SOX6: variants seen among roughly 807,000 people sequenced by gnomAD.
SOX6 encodes SRY-box transcription factor 6.
In SOX6, 11 loss-of-function variants were observed where a neutral mutation model predicts 97.8. That is an observed-to-expected ratio of 0.11 (90% CI 0.07 to 0.19). SOX6 has a LOEUF of 0.19. Among genes scored for constraint, SOX6 ranks in the 10% least tolerant of loss-of-function variants. The pLI, the probability that SOX6 is intolerant of heterozygous loss-of-function variation, is 1.00. For synonymous variants in SOX6, 360 were observed against 371.4 expected (o/e 0.97, Z 0.35); for missense variants, 810 against 1,039.5 (o/e 0.78, Z 3.04).
chr11:16,071,249 T>C (rs1397725521), intron 9 of SOX6, among the ~76,000 whole-genome samples: 1 of 151,976 alleles, frequency 6.6e-6, no homozygotes, highest in African/African-American at 2.4e-5. Context: ...TGTAACTTCC[T>C]CTTGTCCCAG....
At chr11:16,132,319 GAAGGAAGGAAGGAAAGAAA>G (rs1849776017) in intron 6 of SOX6, among the ~76,000 whole-genome samples, 1 of 92,796 alleles carries the variant, frequency 1.1e-5, no homozygotes, top group Non-Finnish European at 2.2e-5. Context: ...AGGAAGGAAG[GAAGGAAGGAAGGAAAGAAA>G]AAAGAAAGAA....
chr11:16,695,018 T>A (rs4757425), intron 3 of SOX6, among the ~76,000 whole-genome samples: 24,847 of 152,174 alleles, frequency 0.16, 2,683 homozygotes, highest in East Asian at 0.32. Flanking sequence ...TACTACACCA[T>A]TTTATAAAAG....
intron 10 of SOX6, among the ~76,000 whole-genome samples, chr11:16,051,338 G>A (rs1238516269): frequency 1.3e-5 from 2 of 152,044 alleles, no homozygotes; most frequent in Non-Finnish European, 2.9e-5. Flanking sequence ...CCATATAACG[G>A]GGGAAAGAAT....
intron 4 of SOX6, among the ~76,000 whole-genome samples, chr11:16,228,503 G>T (rs1011340660): frequency 6.6e-5 from 10 of 152,038 alleles, no homozygotes; most frequent in Non-Finnish European, 1.2e-4. Context: ...GTTAACAGGG[G>T]TAGGAGAGAG....
intron 3 of SOX6, among the ~76,000 whole-genome samples, chr11:16,674,189 C>CAAAAAA (rs61516612): frequency 0.21 from 16,113 of 75,652 alleles, 3,472 homozygotes; most frequent in Admixed American, 0.29. Context: ...GACTCCATCT[C>CAAAAAA]AAAAAAAAAA....
At chr11:16,510,648 A>G (rs1229418478) in intron 4 of SOX6, among the ~76,000 whole-genome samples, 1 of 152,172 alleles carries the variant, frequency 6.6e-6, no homozygotes, top group Non-Finnish European at 1.5e-5. Context: ...AAAATAATCC[A>G]TCTTTTTATG....
intron 3 of SOX6, among the ~76,000 whole-genome samples, chr11:16,301,842 T>C (rs1192912413): frequency 6.6e-6 from 1 of 152,122 alleles, no homozygotes; most frequent in African/African-American, 2.4e-5. Context: ...TCTCTTCTAA[T>C]CTCCAAGTCA....
intron 9 of SOX6, among the ~76,000 whole-genome samples, chr11:16,074,155 C>A (rs1430320672): frequency 6.6e-6 from 1 of 151,972 alleles, no homozygotes; most frequent in Non-Finnish European, 1.5e-5. Context: ...AATCAACAAA[C>A]CTGGTAGTTT....
At chr11:16,595,573 C>A (rs899904071) in intron 4 of SOX6, among the ~76,000 whole-genome samples, 6 of 148,486 alleles carry the variant, frequency 4.0e-5, no homozygotes, top group African/African-American at 1.2e-4. Context: ...AAGTTCAAGA[C>A]CCCCCTGGGC....
intron 6 of SOX6, among the ~76,000 whole-genome samples, chr11:16,147,731 C>T (rs1045657132): frequency 2.6e-5 from 4 of 152,166 alleles, no homozygotes; most frequent in African/African-American, 9.6e-5. Context: ...TTCCCATCCA[C>T]ATGGAATAAA....
At chr11:16,599,180 C>G (rs745308216) in intron 4 of SOX6, among the ~76,000 whole-genome samples, 1 of 152,110 alleles carries the variant, frequency 6.6e-6, no homozygotes, top group Non-Finnish European at 1.5e-5. Flanking sequence ...ATACATGGTG[C>G]TTCAATCCAG....
At chr11:16,536,853 G>C (rs2133173791) in intron 4 of SOX6, among the ~76,000 whole-genome samples, 1 of 152,340 alleles carries the variant, frequency 6.6e-6, no homozygotes, top group Middle Eastern at 3.4e-3. Flanking sequence ...TGTCTCTATA[G>C]GCTCCACCAC....
chr11:16,591,957 T>A (rs1392074576), intron 4 of SOX6, among the ~76,000 whole-genome samples: 1 of 152,134 alleles, frequency 6.6e-6, no homozygotes, highest in African/African-American at 2.4e-5. Flanking sequence ...TCACACTGTG[T>A]TAAACTGAGA....
intron 3 of SOX6, among the ~76,000 whole-genome samples, chr11:16,258,275 C>T (rs955585815): frequency 6.6e-6 from 1 of 151,998 alleles, no homozygotes; most frequent in Non-Finnish European, 1.5e-5. Context: ...ATAGCAGCTT[C>T]ATTCATAATT....
intron 1 of SOX6, among the ~76,000 whole-genome samples, chr11:16,346,851 T>C (rs996277804): frequency 1.3e-5 from 2 of 152,036 alleles, no homozygotes; most frequent in Non-Finnish European, 2.9e-5. Context: ...CTTAAATTAA[T>C]GGATTCTGAC....
chr11:16,460,408 T>G (rs988246068), intron 1 of SOX6, among the ~76,000 whole-genome samples: 2 of 152,050 alleles, frequency 1.3e-5, no homozygotes, highest in African/African-American at 2.4e-5. Context: ...AGAAGATCTC[T>G]GAGTTCATAT....
chr11:16,680,533 T>C (rs1421115792), intron 3 of SOX6, among the ~76,000 whole-genome samples: 1 of 152,200 alleles, frequency 6.6e-6, no homozygotes, highest in Non-Finnish European at 1.5e-5. Flanking sequence ...ATAGACGCTA[T>C]GAAGAAACGG....
intron 4 of SOX6, among the ~76,000 whole-genome samples, chr11:16,602,934 T>A (rs1565190829): frequency 6.6e-6 from 1 of 151,912 alleles, no homozygotes; most frequent in South Asian, 2.1e-4. Context: ...GGCGGAAGAA[T>A]CGCTTGAACC....
intron 9 of SOX6, among the ~76,000 whole-genome samples, chr11:16,089,924 T>C (rs534748816): frequency 2.0e-4 from 31 of 152,234 alleles, no homozygotes; most frequent in African/African-American, 7.0e-4. Flanking sequence ...GCTAGAATGT[T>C]TTGCTTTCAA....
Sources: allele counts gnomAD v4.1 joint callset (sites outside exome capture counted in the v4.1 genomes callset), GRCh38; gene constraint gnomAD v4.1.1; transcripts MANE v1.5; gene names NCBI Gene and HGNC (gene_info 2026-07-23, HGNC 2026-07-21).